Variants in FHIT observed in about 807,000 individuals in gnomAD.
FHIT encodes the protein fragile histidine triad diadenosine triphosphatase.
Under a neutral mutation model 17.9 loss-of-function variants are expected in FHIT, and 19 were observed. The observed-to-expected ratio is 1.06, with a 90% CI of 0.74 to 1.56. The LOEUF (loss-of-function observed/expected upper bound fraction) is 1.56. Among genes scored for constraint, FHIT ranks in the 40% most tolerant of loss-of-function variants. The pLI is 0.00. For synonymous variants in FHIT, 81 were observed against 69.7 expected (o/e 1.16, Z -0.81); for missense variants, 248 against 189.2 (o/e 1.31, Z -1.82).
At chr3:60,874,774 G>T (rs1452388503) in intron 3 of FHIT, among the ~76,000 whole-genome samples, 2 of 152,018 alleles carry the variant, frequency 1.3e-5, no homozygotes, top group Non-Finnish European at 2.9e-5. Context: ...AGAGATTTAA[G>T]ACTAGCTAGG....
chr3:60,377,901 G>A (rs899044329), intron 5 of FHIT, among the ~76,000 whole-genome samples: 8 of 152,172 alleles, frequency 5.3e-5, no homozygotes, highest in Non-Finnish European at 8.8e-5. Context: ...CAGTACATAT[G>A]TGTTGCATAA....
chr3:60,390,465 A>T (rs1166023342), intron 5 of FHIT, among the ~76,000 whole-genome samples: 1 of 149,524 alleles, frequency 6.7e-6, no homozygotes, highest in Admixed American at 6.7e-5. Context: ...GGTACTTTTA[A>T]CGATTATTTT....
At chr3:59,910,885 GA>G (rs1162963493) in intron 8 of FHIT, among the ~76,000 whole-genome samples, 5 of 151,418 alleles carry the variant, frequency 3.3e-5, no homozygotes, top group Non-Finnish European at 4.4e-5. Context: ...GGAAAGATGG[GA>G]AAAAAAAGAA....
intron 4 of FHIT, among the ~76,000 whole-genome samples, chr3:60,652,193 G>A (rs2040006159): frequency 6.6e-6 from 1 of 152,170 alleles, no homozygotes; most frequent in East Asian, 1.9e-4. Flanking sequence ...GGCTGAATAT[G>A]TAACATTGAC....
At chr3:60,818,928 C>T (rs1701827282) in intron 4 of FHIT, among the ~76,000 whole-genome samples, 1 of 152,102 alleles carries the variant, frequency 6.6e-6, no homozygotes, top group Admixed American at 6.6e-5. Flanking sequence ...TCACTCTGGA[C>T]CGATCTGTGC....
At chr3:60,130,781 TG>T (rs1559660602) in intron 5 of FHIT, among the ~76,000 whole-genome samples, 1 of 13,010 alleles carries the variant, frequency 7.7e-5, no homozygotes, top group African/African-American at 2.3e-4. Flanking sequence ...TGTGTGTGTG[TG>T]TGGTGTGTAT....
At chr3:60,987,851 T>C (rs372605575) in intron 3 of FHIT, among the ~76,000 whole-genome samples, 24 of 152,336 alleles carry the variant, frequency 1.6e-4, no homozygotes, top group African/African-American at 5.3e-4. Flanking sequence ...TTCTCTTCCA[T>C]CTTCCTGATT....
At chr3:59,928,132 C>A (rs146803969) in intron 7 of FHIT, among the ~76,000 whole-genome samples, 13 of 152,336 alleles carry the variant, frequency 8.5e-5, no homozygotes, top group African/African-American at 3.1e-4. Context: ...CCTTCTCCCT[C>A]ACATGTGCCA....
At chr3:60,312,666 A>G (rs1052426466) in intron 5 of FHIT, among the ~76,000 whole-genome samples, 1 of 152,180 alleles carries the variant, frequency 6.6e-6, no homozygotes, top group African/African-American at 2.4e-5. Context: ...TGCTCCTGCC[A>G]GCCTATCAAC....
chr3:59,959,866 A>G (rs1015736245), intron 7 of FHIT, among the ~76,000 whole-genome samples: 1 of 152,192 alleles, frequency 6.6e-6, no homozygotes, highest in African/African-American at 2.4e-5. Context: ...CTGAACTGAT[A>G]GGCAAGTTGA....
intron 5 of FHIT, among the ~76,000 whole-genome samples, chr3:60,465,992 A>G (rs1341010740): frequency 6.6e-6 from 1 of 152,096 alleles, no homozygotes; most frequent in Non-Finnish European, 1.5e-5. Context: ...GGGCATTTTA[A>G]CAGTATTGAT....
chr3:60,458,151 C>A (rs1389610275), intron 5 of FHIT, among the ~76,000 whole-genome samples: 1 of 152,108 alleles, frequency 6.6e-6, no homozygotes, highest in Non-Finnish European at 1.5e-5. Context: ...TATTGCGGCA[C>A]TACTCACACT....
chr3:60,684,310 T>A (rs748612714), intron 4 of FHIT, among the ~76,000 whole-genome samples: 4 of 152,090 alleles, frequency 2.6e-5, no homozygotes, highest in Non-Finnish European at 2.9e-5. Flanking sequence ...CTCAATTTAA[T>A]CATATCTGCA....
chr3:61,052,332 A>T (rs2034056934), intron 2 of FHIT, among the ~76,000 whole-genome samples: 1 of 152,182 alleles, frequency 6.6e-6, no homozygotes. Flanking sequence ...TTCAGGATAG[A>T]GAGTATGACC....
intron 5 of FHIT, among the ~76,000 whole-genome samples, chr3:60,345,733 G>C (rs992948969): frequency 3.3e-5 from 5 of 152,136 alleles, no homozygotes; most frequent in Non-Finnish European, 7.4e-5. Flanking sequence ...ACAGTTTATT[G>C]AATCTTGAAT....
chr3:59,838,236 C>A (rs952960231), intron 8 of FHIT, among the ~76,000 whole-genome samples: 1 of 152,164 alleles, frequency 6.6e-6, no homozygotes, highest in African/African-American at 2.4e-5. Context: ...TCTACCCAAA[C>A]AACCTGCCCT....
intron 5 of FHIT, among the ~76,000 whole-genome samples, chr3:60,127,530 CA>C (rs1705609804): frequency 6.6e-6 from 1 of 152,138 alleles, no homozygotes. Context: ...AACAAGTTTA[CA>C]TACTAAGTTA....
chr3:59,904,696 A>T (rs1704503729), intron 8 of FHIT, among the ~76,000 whole-genome samples: 1 of 152,138 alleles, frequency 6.6e-6, no homozygotes, highest in Non-Finnish European at 1.5e-5. Flanking sequence ...GAATGAGGAT[A>T]CACTGGACAT....
At chr3:60,330,170 C>T (rs988464729) in intron 5 of FHIT, among the ~76,000 whole-genome samples, 32 of 152,112 alleles carry the variant, frequency 2.1e-4, no homozygotes, top group African/African-American at 7.5e-4. Context: ...AACTGGGCTC[C>T]CGGGATTCTA....
Sources: allele counts gnomAD v4.1 joint callset (sites outside exome capture counted in the v4.1 genomes callset), GRCh38; gene constraint gnomAD v4.1.1; transcripts MANE v1.5; gene names NCBI Gene and HGNC (gene_info 2026-07-23, HGNC 2026-07-21).